The following NRXN1 variants were observed in gnomAD, a reference collection of about 807,000 sequenced individuals.
NRXN1 encodes neurexin-1.
NRXN1 carries 39 observed loss-of-function variants against 150.9 expected under a neutral mutation model. The observed-to-expected ratio is 0.26, with a 90% confidence interval of 0.20 to 0.34. The LOEUF (loss-of-function observed/expected upper bound fraction) is 0.34, where lower values mean the gene tolerates loss of function less well. NRXN1 is among the 10% of genes least tolerant of loss of function. The pLI is 1.00. For synonymous variants in NRXN1, 924 were observed against 757.0 expected (o/e 1.22, Z -3.62); for missense variants, 1,815 against 1,949.9 (o/e 0.93, Z 1.30).
At chr2:50,313,416 A>T (rs1284963145) in intron 17 of NRXN1, among the ~76,000 whole-genome samples, 1 of 152,070 alleles carries the variant, frequency 6.6e-6, no homozygotes, top group African/African-American at 2.4e-5. Context: ...ACAATCAGGA[A>T]CCACAGAAAT....
At chr2:50,142,510 T>C (rs142321563) in intron 18 of NRXN1, among the ~76,000 whole-genome samples, 1 of 151,974 alleles carries the variant, frequency 6.6e-6, no homozygotes, top group African/African-American at 2.4e-5. Flanking sequence ...AGGTGATGAA[T>C]ATCATAAATC....
At position 50,355,276 on chromosome 2, in the gene NRXN1, C is replaced by A. The variant is rs1474553401; in HGVS notation, c.3364+110166G>T. Among the ~76,000 whole-genome samples the A allele has an allele frequency of 5.3e-5, 6 of 114,230 alleles. No individual in the cohort carries two copies. The East Asian group carries it at 2.4e-3, about 45-fold the overall frequency. The allele number at this position is 114,230 out of a possible 152,430, so 74.9% of individuals were successfully genotyped here. A position where few individuals can be genotyped will look rare whatever the true frequency, so the allele number is the denominator to read the frequency against. On this transcript the variant is annotated intron_variant, in intron 17 of 22. Transcript: ENST00000401669. ...ATATACATATATATACACATATATA[C>A]AATATTTATATATACATATATATAT...
In NRXN1 at chr2:49,921,883, T is replaced by C. The variant is rs201196597; in HGVS notation, c.*61A>G. ...ATAAAAAGGAAAGTAAATAAGTTTA[T>C]ATTATGTCTCAGATAAAATGAAGAC... On this transcript the variant is annotated 3_prime_UTR_variant, in exon 23 of 23. Transcript: ENST00000401669. The C allele has an allele frequency of 3.3e-6, 5 of 1,529,130 alleles. No homozygotes were observed. Among genetic ancestry groups the C allele is most frequent in the Non-Finnish European group, 4.5e-6 (5 of 1,107,184 alleles). The allele number at this position is 1,529,130 out of a possible 1,614,324, so 94.7% of individuals were successfully genotyped here.
chr2:50,944,180 C>T (rs1018288271), intron 2 of NRXN1, among the ~76,000 whole-genome samples: 3 of 152,050 alleles, frequency 2.0e-5, no homozygotes, highest in African/African-American at 7.2e-5. Context: ...ATTTAGTTTG[C>T]CAATTGTTGT....
chr2:50,941,424 C>A (rs540512903), intron 2 of NRXN1, among the ~76,000 whole-genome samples: 66 of 152,148 alleles, frequency 4.3e-4, no homozygotes, highest in Non-Finnish European at 7.1e-4. Flanking sequence ...AAGTTTGGAA[C>A]TTCCTAGAGT....
chr2:50,750,860 T>C (rs529717670), intron 5 of NRXN1, among the ~76,000 whole-genome samples: 12 of 152,138 alleles, frequency 7.9e-5, no homozygotes, highest in African/African-American at 2.9e-4. Flanking sequence ...ACTATGCTTA[T>C]TATAAGAAAA....
In NRXN1 at chr2:50,107,540, T is replaced by TATA. The variant is rs1553617159; in HGVS notation, c.3547-16047_3547-16046insTAT. On this transcript the variant is annotated intron_variant, in intron 18 of 22. Coordinates refer to ENST00000401669, the MANE Select transcript of NRXN1 (RefSeq NM_001330078.2). ...GACTACATATATATATATATATATA[T>TATA]TTTTTTTTTTTACCCAAGTACTACA... is the stretch of plus-strand genomic sequence containing the variant. Among the ~76,000 whole-genome samples, 382 of 110,452 alleles carry TATA rather than the reference T, an allele frequency of 3.5e-3. 2 individuals carry two copies. Among genetic ancestry groups the TATA allele is most frequent in the African/African-American group, 0.012 (351 of 29,870 alleles). The allele number at this position is 110,452 out of a possible 152,430, so 72.5% of individuals were successfully genotyped here. A position where few individuals can be genotyped will look rare whatever the true frequency, so the allele number is the denominator to read the frequency against.
At chr2:50,498,970 C>A (rs1013134634) in intron 13 of NRXN1, among the ~76,000 whole-genome samples, 1 of 152,106 alleles carries the variant, frequency 6.6e-6, no homozygotes, top group East Asian at 1.9e-4. Context: ...CAGAATCAGC[C>A]CCTGAGAAAA....
intron 5 of NRXN1, among the ~76,000 whole-genome samples, chr2:50,694,777 A>G (rs941556418): frequency 1.3e-5 from 2 of 152,204 alleles, no homozygotes; most frequent in Non-Finnish European, 2.9e-5. Context: ...ATTCATATTT[A>G]ATCCAGAAAA....
chr2:50,369,990 G>A (rs1458986145), intron 17 of NRXN1, among the ~76,000 whole-genome samples: 3 of 151,994 alleles, frequency 2.0e-5, no homozygotes, highest in African/African-American at 7.2e-5. Context: ...AAAGGTAAAT[G>A]TATCTCTTCA....
chr2:50,754,910 T>C (rs1475827027), intron 5 of NRXN1, among the ~76,000 whole-genome samples: 1 of 152,028 alleles, frequency 6.6e-6, no homozygotes, highest in East Asian at 1.9e-4. Flanking sequence ...AAGACATTTT[T>C]AAAACATAGC....
chr2:50,308,466 T>A (rs980860028), intron 17 of NRXN1, among the ~76,000 whole-genome samples: 8 of 152,148 alleles, frequency 5.3e-5, no homozygotes, highest in Non-Finnish European at 1.0e-4. Context: ...CAACTAGGAC[T>A]ACAGGCACAT....
intron 18 of NRXN1, among the ~76,000 whole-genome samples, chr2:50,219,985 T>TAA (rs374396736): frequency 3.9e-5 from 2 of 51,736 alleles, no homozygotes; most frequent in Non-Finnish European, 7.2e-5. Flanking sequence ...AATATATATA[T>TAA]TATATATAAT....
At chr2:50,645,697 C>T (rs1684721133) in intron 5 of NRXN1, among the ~76,000 whole-genome samples, 2 of 151,756 alleles carry the variant, frequency 1.3e-5, no homozygotes, top group South Asian at 4.2e-4. Context: ...AAGATCAGAC[C>T]AAATAAGCCT....
intron 17 of NRXN1, among the ~76,000 whole-genome samples, chr2:50,437,136 T>C (rs891153364): frequency 4.6e-5 from 7 of 152,224 alleles, no homozygotes; most frequent in African/African-American, 1.7e-4. Flanking sequence ...GCTATTTTAT[T>C]TTTACAAAAT....
At chr2:50,392,470 T>G (rs1371529731) in intron 17 of NRXN1, among the ~76,000 whole-genome samples, 2 of 152,104 alleles carry the variant, frequency 1.3e-5, no homozygotes, top group Non-Finnish European at 2.9e-5. Context: ...ATTTAAGTCA[T>G]GAGAAGGTGC....
chr2:50,198,301 C>T (rs1289974471), intron 18 of NRXN1, among the ~76,000 whole-genome samples: 1 of 152,046 alleles, frequency 6.6e-6, no homozygotes, highest in African/African-American at 2.4e-5. Flanking sequence ...ATAGTTCACT[C>T]ATTTCATAGG....
chr2:50,518,495 A>C (rs1341286260), intron 12 of NRXN1, among the ~76,000 whole-genome samples: 1 of 151,938 alleles, frequency 6.6e-6, no homozygotes, highest in Non-Finnish European at 1.5e-5. Flanking sequence ...ATTTATAGTA[A>C]TACTCATTTA....
intron 5 of NRXN1, among the ~76,000 whole-genome samples, chr2:50,744,318 C>T (rs1424446474): frequency 6.6e-6 from 1 of 151,904 alleles, no homozygotes; most frequent in African/African-American, 2.4e-5. Context: ...AAAGAATGAA[C>T]AGCAAAGAGG....
Sources: allele counts gnomAD v4.1 joint callset (sites outside exome capture counted in the v4.1 genomes callset), GRCh38; gene constraint gnomAD v4.1.1; transcripts MANE v1.5; gene names NCBI Gene and HGNC (gene_info 2026-07-23, HGNC 2026-07-21).